The following SFRP1 variants were observed in gnomAD, a reference collection of about 807,000 sequenced individuals.
SFRP1 encodes the protein secreted frizzled-related protein 1.
SFRP1 carries 9 observed loss-of-function variants against 25.9 expected under a neutral mutation model. That is an observed-to-expected ratio of 0.35 (90% CI 0.21 to 0.61). The LOEUF (loss-of-function observed/expected upper bound fraction) is 0.61, where lower values mean the gene tolerates loss of function less well. Among genes scored for constraint, SFRP1 ranks in the 20% least tolerant of loss-of-function variants. SFRP1 has a pLI of 0.78. For synonymous variants in SFRP1, 178 were observed against 174.0 expected (o/e 1.02, Z -0.18); for missense variants, 346 against 418.2 (o/e 0.83, Z 1.51).
chr8:41,295,148 G>A (rs1191702260), intron 2 of SFRP1, among the ~76,000 whole-genome samples: 1 of 152,204 alleles, frequency 6.6e-6, no homozygotes, highest in Non-Finnish European at 1.5e-5. Flanking sequence ...AGATCACGAG[G>A]TCAGGAGTTC....
At position 41,264,953 on chromosome 8, in the gene SFRP1, T is replaced by C. The variant is rs1803415577; in HGVS notation, c.*214A>G. On this transcript the variant is annotated 3_prime_UTR_variant, in exon 3 of 3. Coordinates refer to ENST00000220772, the MANE Select transcript of SFRP1 (RefSeq NM_003012.5). ...ATCTTAAAAACCTTCCTAATCTAAA[T>C]GGCCCTTGCTTTACCCGGCCATGGC... 1 of 534,954 alleles carries C rather than the reference T, an allele frequency of 1.9e-6. No homozygotes were observed. The highest frequency in any genetic ancestry group is 1.9e-5 in the African/African-American group (1 of 52,572). 33.1% of individuals were successfully genotyped at this position (534,954 alleles called of 1,614,324 possible).
In SFRP1 at chr8:41,264,976, G is replaced by A. The variant is rs774876749; in HGVS notation, c.*191C>T. On this transcript the variant is annotated 3_prime_UTR_variant, in exon 3 of 3. Coordinates refer to ENST00000220772, the MANE Select transcript of SFRP1 (RefSeq NM_003012.5). ...AATGGCCCTTGCTTTACCCGGCCAT[G>A]GCTACCCTGGGGTTTGGAGCGTGGC... The A allele has an allele frequency of 2.0e-4, 114 of 563,888 alleles. No homozygotes were observed. The highest frequency in any genetic ancestry group is 3.1e-4 in the Non-Finnish European group (100 of 320,678). 34.9% of individuals were successfully genotyped at this position (563,888 alleles called of 1,614,324 possible).
At chr8:41,291,308 A>C (rs1420742861) in intron 2 of SFRP1, among the ~76,000 whole-genome samples, 1 of 152,134 alleles carries the variant, frequency 6.6e-6, no homozygotes, top group Non-Finnish European at 1.5e-5. Flanking sequence ...TTCTGTAAGA[A>C]AGCAGTCAGG....
chr8:41,299,499 TAAA>T (rs576175856), intron 2 of SFRP1, among the ~76,000 whole-genome samples: 171 of 56,030 alleles, frequency 3.1e-3, no homozygotes, highest in African/African-American at 0.012. Flanking sequence ...TTCTCCTTTA[TAAA>T]AAAAAAAAAA....
intron 1 of SFRP1, among the ~76,000 whole-genome samples, chr8:41,307,381 G>A (rs1040233493): frequency 3.9e-5 from 6 of 152,174 alleles, no homozygotes; most frequent in African/African-American, 1.4e-4. Flanking sequence ...CTAAAATTTG[G>A]GGTATCCCTT....
chr8:41,291,219 C>CT (rs1803776035), intron 2 of SFRP1, among the ~76,000 whole-genome samples: 2 of 151,874 alleles, frequency 1.3e-5, no homozygotes, highest in Admixed American at 1.3e-4. Context: ...TTTTTGAGGA[C>CT]TTTTTTAAAG....
In SFRP1 at chr8:41,296,123, G is replaced by GT. The variant is rs377325723; in HGVS notation, c.622+7337dup. ...TGGTCACCCAGCCAGACAGACTGCA[G>GT]TCCAGGTCCTCTGGGCACAGTGGGA... On this transcript the variant is annotated intron_variant, in intron 2 of 2. Transcript: ENST00000220772. Among the ~76,000 whole-genome samples the GT allele has an allele frequency of 1.4e-4, 7 of 51,346 alleles. No individual in the cohort carries two copies. The East Asian group carries it at 3.7e-3, about 27-fold the overall frequency. 33.7% of individuals were successfully genotyped at this position (51,346 alleles called of 152,430 possible). A position where few individuals can be genotyped will look rare whatever the true frequency, so the allele number is the denominator to read the frequency against.
At chr8:41,284,398 C>G (rs1372733784) in intron 2 of SFRP1, among the ~76,000 whole-genome samples, 1 of 72,214 alleles carries the variant, frequency 1.4e-5, no homozygotes, top group East Asian at 4.4e-4. Flanking sequence ...ATTGTCTGAG[C>G]CCCTCCCACA....
chr8:41,279,134 A>C (rs745367071), intron 2 of SFRP1, among the ~76,000 whole-genome samples: 1 of 152,104 alleles, frequency 6.6e-6, no homozygotes, highest in Non-Finnish European at 1.5e-5. Context: ...GACATGGCCC[A>C]AAACGCATCC....
chr8:41,281,620 A>C (rs1005807007), intron 2 of SFRP1, among the ~76,000 whole-genome samples: 2 of 152,212 alleles, frequency 1.3e-5, no homozygotes, highest in African/African-American at 4.8e-5. Flanking sequence ...GGCATAATAT[A>C]AACAAGTCAC....
At chr8:41,295,402 G>T (rs138952930) in intron 2 of SFRP1, among the ~76,000 whole-genome samples, 1 of 152,068 alleles carries the variant, frequency 6.6e-6, no homozygotes, top group African/African-American at 2.4e-5. Flanking sequence ...GGTGGTGGGC[G>T]CCTGTAATCC....
At chr8:41,286,738 G>A (rs1194053042) in intron 2 of SFRP1, among the ~76,000 whole-genome samples, 1 of 152,150 alleles carries the variant, frequency 6.6e-6, no homozygotes, top group East Asian at 1.9e-4. Flanking sequence ...GGGCAGCTAG[G>A]AACTCATTTC....
chr8:41,266,684 C>G (rs1803439631), intron 2 of SFRP1, among the ~76,000 whole-genome samples: 1 of 151,976 alleles, frequency 6.6e-6, no homozygotes, highest in South Asian at 2.1e-4. Context: ...CTCAGCCTCC[C>G]AAAGTGTTGG....
chr8:41,289,984 G>C (rs11776819), intron 2 of SFRP1, among the ~76,000 whole-genome samples: 23,709 of 152,234 alleles, frequency 0.16, 2,247 homozygotes, highest in East Asian at 0.3. Flanking sequence ...AGCTGGAAAA[G>C]GCAGCTGCCC....
chr8:41,272,568 C>T (rs1803523559), intron 2 of SFRP1, among the ~76,000 whole-genome samples: 1 of 152,168 alleles, frequency 6.6e-6, no homozygotes, highest in East Asian at 1.9e-4. Flanking sequence ...GAGATTACAC[C>T]ACTGCACTCC....
rs1803398699 is a variant in SFRP1 at position 41,263,512 on chromosome 8, C to T, written c.*1655G>A. On this transcript the variant is annotated 3_prime_UTR_variant, in exon 3 of 3. Transcript: ENST00000220772. Reference sequence around the variant, plus strand: ...TCCTTTCCTCCGGGTCAGGCTAGGGCCGCAGGGGGCCACTTTACAGCCTCA... The same window carrying T: ...TCCTTTCCTCCGGGTCAGGCTAGGGTCGCAGGGGGCCACTTTACAGCCTCA... 6.6e-6 allele frequency: 1 copy of T among 152,228 alleles called. No homozygotes were observed. Among genetic ancestry groups the T allele is most frequent in the Non-Finnish European group, 1.5e-5 (1 of 68,052 alleles). 9.4% of individuals were successfully genotyped at this position (152,228 alleles called of 1,614,324 possible).
intron 2 of SFRP1, among the ~76,000 whole-genome samples, chr8:41,303,177 T>C (rs1803949774): frequency 6.6e-6 from 1 of 151,342 alleles, no homozygotes; most frequent in Non-Finnish European, 1.5e-5. Flanking sequence ...CCTGCTCCTC[T>C]CGACCTGTCC....
In SFRP1 at chr8:41,303,465, C is replaced by T. The variant is rs1803953807; in HGVS notation, c.618G>A (p.Glu206=). The T allele has an allele frequency of 6.2e-7, 1 of 1,613,566 alleles. No individual in the cohort carries two copies. The highest frequency in any genetic ancestry group is 8.5e-7 in the Non-Finnish European group (1 of 1,179,648). ...CAGCTAGAAACGCTTTCTTACCAAA[C>T]TCGCTGGCACAGAGATGTTCAATGA... ...EAIIEHLCAS[E]FALRMKIKEV... is the part of the protein sequence containing the mutation. The change falls in exon 2 of 3, where the codon GAG becomes GAA. Residue 206 remains glutamate, a synonymous_variant. Transcript: ENST00000220772.
rs1375970360 is a variant in SFRP1, at chr8:41,265,158, C to T, written c.*9G>A. On this transcript the variant is annotated 3_prime_UTR_variant, in exon 3 of 3. Coordinates refer to ENST00000220772, the MANE Select transcript of SFRP1 (RefSeq NM_003012.5). ...CCGAGGCTCCCTCCCCACCCTGCCC[C>T]CGGGAGAATCACTTAAACACGGACT... 2 of 1,542,376 alleles carry T rather than the reference C, an allele frequency of 1.3e-6. No individual in the cohort carries two copies. Among genetic ancestry groups the T allele is most frequent in the Admixed American group, 3.8e-5 (2 of 52,844 alleles).
Sources: allele counts gnomAD v4.1 joint callset (sites outside exome capture counted in the v4.1 genomes callset), GRCh38; gene constraint gnomAD v4.1.1; transcripts MANE v1.5; gene names NCBI Gene and HGNC (gene_info 2026-07-23, HGNC 2026-07-21).